Variants in DMD observed in about 807,000 individuals in gnomAD.
DMD encodes dystrophin, also known as mutant dystrophin.
DMD carries 63 observed loss-of-function variants against 330.1 expected under a neutral mutation model. That is an observed-to-expected ratio of 0.19 (90% CI 0.16 to 0.24). DMD has a LOEUF of 0.24. Ranked by LOEUF, DMD falls within the 10% of genes least tolerant of loss-of-function variation. DMD has a pLI of 1.00. For synonymous variants in DMD, 1,223 were observed against 959.8 expected, an observed-to-expected ratio of 1.27 and a Z score of -5.07; for missense variants, 3,344 against 2,684.1, an observed-to-expected ratio of 1.25 and a Z score of -5.43.
chrX:32,743,769 G>T (rs1371808531), intron 7 of DMD, among the ~76,000 whole-genome samples: 1 of 111,086 alleles, frequency 9.0e-6, no homozygotes, highest in South Asian at 3.8e-4. Flanking sequence ...GATAAGGGCA[G>T]GTCTGTCTGT....
intron 2 of DMD, among the ~76,000 whole-genome samples, chrX:32,976,342 C>A (rs933474685): frequency 1.2e-4 from 13 of 111,324 alleles, no homozygotes; most frequent in African/African-American, 3.9e-4. Flanking sequence ...GAAAGGTGCT[C>A]TAAGGACGCC....
At chrX:32,480,808 T>C (rs1317398624) in intron 21 of DMD, among the ~76,000 whole-genome samples, 2 of 110,723 alleles carry the variant, frequency 1.8e-5, no homozygotes, top group Non-Finnish European at 3.8e-5. Context: ...TAAACATGTC[T>C]GCTATGCTTG....
At chrX:31,261,788 G>C (rs1300776117) in intron 62 of DMD, 1 of 111,965 alleles carries the variant, frequency 8.9e-6, no homozygotes, top group African/African-American at 3.2e-5. Context: ...ATAAACCCTG[G>C]AGAAATAACT....
At chrX:32,833,637 A>G (rs1187654579) in intron 4 of DMD, among the ~76,000 whole-genome samples, 1 of 107,172 alleles carries the variant, frequency 9.3e-6, no homozygotes, top group Non-Finnish European at 1.9e-5. Flanking sequence ...AACGACAAAA[A>G]TCAACCCATA....
intron 43 of DMD, among the ~76,000 whole-genome samples, chrX:32,271,126 C>T (rs2097363747): frequency 8.9e-6 from 1 of 111,768 alleles, no homozygotes; most frequent in Non-Finnish European, 1.9e-5. Context: ...CAGACTGGAC[C>T]ATCCTTGGTT....
chrX:33,187,236 A>G (rs1258490073), intron 1 of DMD, among the ~76,000 whole-genome samples: 1 of 112,626 alleles, frequency 8.9e-6, no homozygotes, highest in Non-Finnish European at 1.9e-5. Flanking sequence ...TAATCCAGTA[A>G]GTATGAAGCT....
chrX:32,032,103 C>T (rs1458629817), intron 44 of DMD, among the ~76,000 whole-genome samples: 1 of 110,702 alleles, frequency 9.0e-6, no homozygotes, highest in East Asian at 2.8e-4. Context: ...ATTTAGTGTT[C>T]CAATTAGGTT....
At chrX:32,480,269 G>A (rs1192116773) in intron 21 of DMD, among the ~76,000 whole-genome samples, 2 of 111,854 alleles carry the variant, frequency 1.8e-5, no homozygotes, top group Non-Finnish European at 3.8e-5. Context: ...ATAAATGTTG[G>A]AGAGGCTGTG....
At chrX:33,068,687 C>A (rs2094700568) in intron 1 of DMD, among the ~76,000 whole-genome samples, 1 of 112,324 alleles carries the variant, frequency 8.9e-6, no homozygotes, top group Non-Finnish European at 1.9e-5. Context: ...AGTTTATAAT[C>A]TTCCAACATT....
intron 41 of DMD, among the ~76,000 whole-genome samples, chrX:32,330,173 A>T (rs370810410): frequency 5.3e-4 from 60 of 112,376 alleles, no homozygotes; most frequent in African/African-American, 1.9e-3. Context: ...AAATTATGTT[A>T]TAACATCAAG....
chrX:32,392,081 G>A (rs900501502), intron 30 of DMD, among the ~76,000 whole-genome samples: 1 of 111,360 alleles, frequency 9.0e-6, no homozygotes, highest in Admixed American at 9.6e-5. Flanking sequence ...TGAGTGCTTC[G>A]AATTGTGTCA....
At chrX:32,616,640 T>C in intron 11 of DMD, among the ~76,000 whole-genome samples, 1 of 107,332 alleles carries the variant, frequency 9.3e-6, no homozygotes, top group Non-Finnish European at 1.9e-5. Context: ...ATTTTCTATA[T>C]TCCCTTTCCT....
At chrX:33,019,628 T>G (rs771511994) in intron 2 of DMD, among the ~76,000 whole-genome samples, 1 of 111,564 alleles carries the variant, frequency 9.0e-6, no homozygotes, top group African/African-American at 3.2e-5. Context: ...GCAAATTAAG[T>G]AAATATTAAG....
rs1333170199 is a variant in DMD, at chrX:33,127,124, G to A, written c.31+84158C>T. ...TGGATTGTCTTTATTCCCAACACAC[G>A]TTTTTAATTTAATGCGGTGTACTTT... On this transcript the variant is annotated intron_variant, in intron 1 of 78. Coordinates refer to ENST00000357033, the MANE Select transcript of DMD (RefSeq NM_004006.3). Among the ~76,000 whole-genome samples, 4 of 109,638 alleles carry A rather than the reference G, an allele frequency of 3.6e-5. No homozygotes were observed. The East Asian group carries it at 8.6e-4, about 23-fold the overall frequency.
At chrX:32,411,954 T>C in intron 29 of DMD, 41 bp from the exon 30 acceptor site, 1 of 1,198,035 alleles carries the variant, frequency 8.3e-7, no homozygotes, top group Non-Finnish European at 1.1e-6. Context: ...AAATGTTTAC[T>C]CTTGATAGCT....
At chrX:32,779,675 C>A (rs12013417) in intron 7 of DMD, among the ~76,000 whole-genome samples, 6,701 of 73,023 alleles carry the variant, frequency 0.092, 828 homozygotes, top group African/African-American at 0.33. Flanking sequence ...TGAACTCATC[C>A]TTTTTTATGG....
At chrX:32,135,261 G>T (rs1207751809) in intron 44 of DMD, among the ~76,000 whole-genome samples, 1 of 112,514 alleles carries the variant, frequency 8.9e-6, no homozygotes, top group Non-Finnish European at 1.9e-5. Flanking sequence ...TTTATGGAAA[G>T]TTCTCTGAGA....
intron 2 of DMD, among the ~76,000 whole-genome samples, chrX:32,851,713 CCATGTCT>C (rs1269163685): frequency 8.9e-6 from 1 of 112,494 alleles, no homozygotes; most frequent in Admixed American, 9.4e-5. Context: ...CTGGCAGAGG[CCATGTCT>C]CATGTAGACG....
rs897202494 is a variant in DMD at position 32,059,119 on chromosome X, G to T, written c.6439-90605C>A. Among the ~76,000 whole-genome samples, 6 of 110,901 alleles carry T rather than the reference G, an allele frequency of 5.4e-5. No homozygotes were observed. The East Asian group carries it at 1.4e-3, about 26-fold the overall frequency. On this transcript the variant is annotated intron_variant, in intron 44 of 78. Transcript: ENST00000357033. ...AAGAAATGGTGAGATGCTGTGCAAT[G>T]GGTATAGACTATCAGGCATGTAGGG...
Sources: allele counts gnomAD v4.1 joint callset (sites outside exome capture counted in the v4.1 genomes callset), GRCh38; gene constraint gnomAD v4.1.1; transcripts MANE v1.5; gene names NCBI Gene and HGNC (gene_info 2026-07-23, HGNC 2026-07-21).